LCLAT1: variants seen among roughly 807,000 people sequenced by gnomAD.
LCLAT1 encodes the protein lysocardiolipin acyltransferase 1, also known as 1-AGP acyltransferase 8.
Under a neutral mutation model 30.7 loss-of-function variants are expected in LCLAT1, and 11 were observed. The ratio of observed to expected loss-of-function variants is 0.36; its 90% CI spans 0.23 to 0.59. The LOEUF (loss-of-function observed/expected upper bound fraction) is 0.59. Ranked by LOEUF, LCLAT1 falls within the 20% of genes least tolerant of loss-of-function variation. LCLAT1 has a pLI of 0.77. For missense variants in LCLAT1, 402 were observed against 458.6 expected (o/e 0.88, Z 1.13); for synonymous variants, 155 against 151.3 (o/e 1.02, Z -0.18).
chr2:30,639,800 T>C (rs1669210918), intron 5 of LCLAT1, among the ~76,000 whole-genome samples: 3 of 152,228 alleles, frequency 2.0e-5, no homozygotes. Context: ...GAGCTAGCCC[T>C]GTAATGTTTA....
intron 5 of LCLAT1, among the ~76,000 whole-genome samples, chr2:30,616,203 G>T (rs529655341): frequency 2.0e-5 from 3 of 152,324 alleles, no homozygotes; most frequent in Admixed American, 6.5e-5. Context: ...TTGGTTGCTG[G>T]TGGAGGGAGT....
At chr2:30,586,101 A>G (rs977063990) in intron 5 of LCLAT1, among the ~76,000 whole-genome samples, 2 of 152,030 alleles carry the variant, frequency 1.3e-5, no homozygotes, top group Non-Finnish European at 2.9e-5. Context: ...AAAATTAGCC[A>G]GACGTGATGG....
At position 30,527,057 on chromosome 2, in the gene LCLAT1, T is replaced by C. The variant is rs1685755746; in HGVS notation, c.165+1302T>C. 7.2e-5 allele frequency among the ~76,000 whole-genome samples: 11 copies of C among 152,302 alleles called. No homozygotes were observed. In the South Asian group the frequency reaches 2.1e-3, roughly 29 times the overall value. ...CAAGGTGGGTATTTCTCTATATACATATATTAAGTAAAATAAGAATACTGT... is the reference window on the plus strand; with the variant it reads ...CAAGGTGGGTATTTCTCTATATACACATATTAAGTAAAATAAGAATACTGT... On this transcript the variant is annotated intron_variant, in intron 2 of 5. Coordinates refer to ENST00000379509, the MANE Select transcript of LCLAT1 (RefSeq NM_001002257.3).
At chr2:30,510,962 T>G (rs911248356) in intron 1 of LCLAT1, among the ~76,000 whole-genome samples, 1 of 152,198 alleles carries the variant, frequency 6.6e-6, no homozygotes, top group Non-Finnish European at 1.5e-5. Flanking sequence ...ATTGTCTTTT[T>G]GAAAATGTTA....
At chr2:30,490,787 A>G (rs1683800666) in intron 1 of LCLAT1, among the ~76,000 whole-genome samples, 1 of 152,220 alleles carries the variant, frequency 6.6e-6, no homozygotes, top group Non-Finnish European at 1.5e-5. Context: ...ATACACACCT[A>G]TGCGCAGAAG....
chr2:30,550,679 G>A (rs1169271500), intron 3 of LCLAT1, among the ~76,000 whole-genome samples: 1 of 152,054 alleles, frequency 6.6e-6, no homozygotes, highest in Non-Finnish European at 1.5e-5. Context: ...TATCTGTCAG[G>A]TTTCTTTACT....
chr2:30,560,195 A>T (rs555777378), intron 3 of LCLAT1, among the ~76,000 whole-genome samples: 1 of 152,256 alleles, frequency 6.6e-6, no homozygotes, highest in South Asian at 2.1e-4. Context: ...CAAGACTTAT[A>T]CACTGAAGTG....
chr2:30,462,321 T>C (rs1033039387), intron 1 of LCLAT1, among the ~76,000 whole-genome samples: 10 of 152,142 alleles, frequency 6.6e-5, no homozygotes, highest in African/African-American at 2.4e-4. Flanking sequence ...ATTGGAAAGT[T>C]AGAGTATATG....
Position 30,471,055 on chromosome 2 carries a change from G to A in LCLAT1, c.-5+23672G>A, listed in dbSNP as rs1249352911. Among the ~76,000 whole-genome samples, 6 of 149,894 alleles carry A rather than the reference G, an allele frequency of 4.0e-5. No homozygotes were observed. In the East Asian group the frequency reaches 9.9e-4, roughly 25 times the overall value. On this transcript the variant is annotated intron_variant, in intron 1 of 5. Coordinates refer to ENST00000379509, the MANE Select transcript of LCLAT1 (RefSeq NM_001002257.3). Reference sequence around the variant, plus strand: ...AGCCTCCCGAGTAGCTGGGATTACAGGCGCCCACCACCACGCCTGGCTAAT... The same window carrying A: ...AGCCTCCCGAGTAGCTGGGATTACAAGCGCCCACCACCACGCCTGGCTAAT...
At chr2:30,506,700 A>G (rs1684677292) in intron 1 of LCLAT1, among the ~76,000 whole-genome samples, 1 of 152,152 alleles carries the variant, frequency 6.6e-6, no homozygotes, top group Non-Finnish European at 1.5e-5. Context: ...TAGGCAGGAC[A>G]GTTTATGTTA....
intron 5 of LCLAT1, among the ~76,000 whole-genome samples, chr2:30,595,405 A>G (rs537681504): frequency 1.8e-4 from 28 of 152,206 alleles, no homozygotes; most frequent in South Asian, 2.1e-4. Flanking sequence ...GCCAAGCATT[A>G]TTGAGCTATC....
intron 3 of LCLAT1, among the ~76,000 whole-genome samples, chr2:30,545,943 G>T (rs1664389150): frequency 6.6e-6 from 1 of 152,118 alleles, no homozygotes; most frequent in Non-Finnish European, 1.5e-5. Context: ...TTTAAAACCT[G>T]TCCAAGTCAT....
At chr2:30,536,336 A>C (rs764624264) in intron 3 of LCLAT1, among the ~76,000 whole-genome samples, 1 of 152,224 alleles carries the variant, frequency 6.6e-6, no homozygotes, top group Non-Finnish European at 1.5e-5. Context: ...TCTCCAAGGC[A>C]CTTTATGGTC....
At chr2:30,472,994 T>C (rs922136594) in intron 1 of LCLAT1, among the ~76,000 whole-genome samples, 2 of 152,114 alleles carry the variant, frequency 1.3e-5, no homozygotes, top group Admixed American at 6.6e-5. Flanking sequence ...CTGTCTTCTC[T>C]GGAGTTGAAA....
intron 5 of LCLAT1, among the ~76,000 whole-genome samples, chr2:30,630,379 A>G (rs1668712816): frequency 6.6e-6 from 1 of 152,262 alleles, no homozygotes; most frequent in African/African-American, 2.4e-5. Context: ...GTTTTATGTG[A>G]ATAAGTATCA....
chr2:30,547,064 C>T (rs1435066258), intron 3 of LCLAT1, among the ~76,000 whole-genome samples: 1 of 152,102 alleles, frequency 6.6e-6, no homozygotes, highest in East Asian at 1.9e-4. Flanking sequence ...TCCTTTAGTG[C>T]AATCATAGGC....
intron 5 of LCLAT1, among the ~76,000 whole-genome samples, chr2:30,610,621 GAGTATCAC>G (rs1489371804): frequency 6.6e-6 from 1 of 152,084 alleles, no homozygotes; most frequent in Non-Finnish European, 1.5e-5. Context: ...CTAAATTCAA[GAGTATCAC>G]AAGTGCTGTA....
At chr2:30,469,541 T>C (rs1032664432) in intron 1 of LCLAT1, among the ~76,000 whole-genome samples, 4 of 151,578 alleles carry the variant, frequency 2.6e-5, no homozygotes, top group Non-Finnish European at 5.9e-5. Context: ...GTCATAATTC[T>C]GGACTCTCAA....
chr2:30,453,415 G>A (rs1182255707), intron 1 of LCLAT1, among the ~76,000 whole-genome samples: 1 of 152,162 alleles, frequency 6.6e-6, no homozygotes, highest in Non-Finnish European at 1.5e-5. Flanking sequence ...CTTGGCTGTG[G>A]CTTTTACCAT....
Sources: allele counts gnomAD v4.1 joint callset (sites outside exome capture counted in the v4.1 genomes callset), GRCh38; gene constraint gnomAD v4.1.1; transcripts MANE v1.5; gene names NCBI Gene and HGNC (gene_info 2026-07-23, HGNC 2026-07-21).